The following KRAS variants were observed in gnomAD, a reference collection of about 807,000 sequenced individuals.
KRAS encodes KRas proto-oncogene, GTPase.
Under a neutral mutation model 21.0 loss-of-function variants are expected in KRAS, and 1 was observed. That is an observed-to-expected ratio of 0.05 (90% confidence interval 0.02 to 0.23). KRAS has a LOEUF of 0.23. Ranked by LOEUF, KRAS falls within the 10% of genes least tolerant of loss-of-function variation. KRAS has a pLI of 1.00. For synonymous variants in KRAS, 67 were observed against 72.5 expected (o/e 0.92, Z 0.39); for missense variants, 107 against 221.8 (o/e 0.48, Z 3.29).
At chr12:25,242,042 A>T (rs969111718) in intron 2 of KRAS, among the ~76,000 whole-genome samples, 4 of 152,232 alleles carry the variant, frequency 2.6e-5, no homozygotes, top group Non-Finnish European at 5.9e-5. Context: ...AAAATAAAAT[A>T]AAAATTAAAA....
chr12:25,250,057 C>A (rs1355313978), intron 1 of KRAS, among the ~76,000 whole-genome samples: 1 of 152,140 alleles, frequency 6.6e-6, no homozygotes, highest in East Asian at 1.9e-4. Flanking sequence ...AATGTCACAG[C>A]CCATACATGG....
chr12:25,247,081 A>G (rs898472351), intron 1 of KRAS, among the ~76,000 whole-genome samples: 4 of 152,198 alleles, frequency 2.6e-5, no homozygotes, highest in African/African-American at 9.7e-5. Context: ...AGTTGTTTCA[A>G]ATTTTTTGAA....
At chr12:25,239,146 T>G (rs1461991286) in intron 2 of KRAS, among the ~76,000 whole-genome samples, 1 of 152,272 alleles carries the variant, frequency 6.6e-6, no homozygotes, top group African/African-American at 2.4e-5. Flanking sequence ...TCTTTTTATA[T>G]GTTCATGTTA....
chr12:25,230,727 A>C (rs542366097), intron 2 of KRAS, among the ~76,000 whole-genome samples: 36 of 152,358 alleles, frequency 2.4e-4, no homozygotes, highest in African/African-American at 8.4e-4. Context: ...ATGAAAACCT[A>C]CATATTAGAC....
At chr12:25,225,558 C>CTTAT (rs1951382071) in intron 4 of KRAS, 56 bp downstream of exon 4, 2 of 1,495,388 alleles carry the variant, frequency 1.3e-6, no homozygotes, top group Middle Eastern at 1.9e-4. Flanking sequence ...TATTAAATGA[C>CTTAT]ATAACAGTTA....
intron 2 of KRAS, chr12:25,234,432 T>C (rs1166009341): frequency 5.5e-6 from 1 of 182,572 alleles, no homozygotes; most frequent in African/African-American, 2.4e-5. Context: ...GCACTAAGAG[T>C]GCACCCATTT....
intron 4 of KRAS, among the ~76,000 whole-genome samples, chr12:25,220,710 T>C (rs983197811): frequency 8.0e-6 from 1 of 125,306 alleles, no homozygotes; most frequent in Non-Finnish European, 1.7e-5. Flanking sequence ...CTGGCAACAG[T>C]GAGACCGTCT....
chr12:25,221,417 G>C (rs1453153801), intron 4 of KRAS, among the ~76,000 whole-genome samples: 2 of 152,058 alleles, frequency 1.3e-5, no homozygotes, highest in Non-Finnish European at 2.9e-5. Context: ...ATTTTTAGTA[G>C]AGACGGGGTT....
rs11836509 is a variant in KRAS at position 25,227,137 on chromosome 12, T to G, written c.290+97A>C. On this transcript the variant is annotated intron_variant, in intron 3 of 4. Transcript: ENST00000311936. ...CCTCATAAACATTATTTAAAAATTTTTATTAAATATTATATGCATGGCATT... is the reference window on the plus strand; with the variant it reads ...CCTCATAAACATTATTTAAAAATTTGTATTAAATATTATATGCATGGCATT... The G allele has an allele frequency of 0.21, 161,609 of 785,348 alleles. 17,196 individuals carry two copies. Among genetic ancestry groups the G allele is most frequent in the Middle Eastern group, 0.24 (624 of 2,630 alleles). 48.6% of individuals were successfully genotyped at this position (785,348 alleles called of 1,614,324 possible). A position where few individuals can be genotyped will look rare whatever the true frequency, so the allele number is the denominator to read the frequency against.
intron 1 of KRAS, 111 bp from the exon 2 acceptor site, chr12:25,245,506 G>GA: frequency 9.0e-7 from 1 of 1,108,996 alleles, no homozygotes; most frequent in East Asian, 2.6e-5. Context: ...ACCTTTATAT[G>GA]AAAAATTATT....
At position 25,205,876 on chromosome 12, in the gene KRAS, T is replaced by C. The variant is rs954406099; in HGVS notation, c.*3919A>G. On this transcript the variant is annotated 3_prime_UTR_variant, in exon 5 of 5. Coordinates refer to ENST00000311936, the MANE Select transcript of KRAS (RefSeq NM_004985.5). ...TCTTTCTTTAGAAAGAAAGTTTCAT[T>C]TTATGACAGCTATTCAGTTTCTCAA... 4.6e-6 allele frequency: 1 copy of C among 216,802 alleles called. No homozygotes were observed. The highest frequency in any genetic ancestry group is 5.8e-5 in the Admixed American group (1 of 17,218). The allele number at this position is 216,802 out of a possible 1,614,324, so 13.4% of individuals were successfully genotyped here. A position where few individuals can be genotyped will look rare whatever the true frequency, so the allele number is the denominator to read the frequency against.
intron 2 of KRAS, among the ~76,000 whole-genome samples, chr12:25,236,542 C>T (rs745922995): frequency 6.6e-6 from 1 of 151,818 alleles, no homozygotes; most frequent in African/African-American, 2.4e-5. Context: ...CTTCCAACAC[C>T]TAATTAGTTC....
intron 2 of KRAS, among the ~76,000 whole-genome samples, chr12:25,230,605 G>A (rs1951454124): frequency 6.6e-6 from 1 of 152,144 alleles, no homozygotes; most frequent in Admixed American, 6.5e-5. Context: ...TCCAGCCTGG[G>A]CAACAACAGC....
In KRAS at chr12:25,209,159, G is replaced by T; in HGVS notation, c.*636C>A. ...AAATGGCCTTATAATAGTTTCCATTGCCTTGTAATTTTTTTCCATTTTTTT... is the reference window on the plus strand; with the variant it reads ...AAATGGCCTTATAATAGTTTCCATTTCCTTGTAATTTTTTTCCATTTTTTT... On this transcript the variant is annotated 3_prime_UTR_variant, in exon 5 of 5. Transcript: ENST00000311936. 1 of 655,486 alleles carries T rather than the reference G, an allele frequency of 1.5e-6. No individual in the cohort carries two copies. The highest frequency in any genetic ancestry group is 2.7e-6 in the Non-Finnish European group (1 of 365,690). The allele number at this position is 655,486 out of a possible 1,614,324, so 40.6% of individuals were successfully genotyped here.
In KRAS at chr12:25,206,907, T is replaced by C. The variant is rs13096; in HGVS notation, c.*2888A>G. ...ACCTTAATGTGTACAGTAATTGTCC[T>C]AAAAGAATCACAGTTATGCCAAATA... On this transcript the variant is annotated 3_prime_UTR_variant, in exon 5 of 5. Transcript: ENST00000311936. 0.5 allele frequency: 100,126 copies of C among 201,246 alleles called. 27,008 individuals carry two copies. Among genetic ancestry groups the C allele is most frequent in the East Asian group, 0.79 (10,319 of 12,986 alleles). The allele number at this position is 201,246 out of a possible 1,614,324, so 12.5% of individuals were successfully genotyped here. A position where few individuals can be genotyped will look rare whatever the true frequency, so the allele number is the denominator to read the frequency against.
intron 4 of KRAS, among the ~76,000 whole-genome samples, chr12:25,222,697 A>C (rs1322111745): frequency 6.6e-6 from 1 of 152,152 alleles, no homozygotes; most frequent in Non-Finnish European, 1.5e-5. Flanking sequence ...AAACAAAAAA[A>C]CCCAAGGCCA....
chr12:25,213,346 T>C (rs1465002437), intron 4 of KRAS, among the ~76,000 whole-genome samples: 1 of 152,126 alleles, frequency 6.6e-6, no homozygotes, highest in Non-Finnish European at 1.5e-5. Flanking sequence ...GGTGAGACAA[T>C]AGGAGGAGAA....
chr12:25,242,958 A>T (rs1379327554), intron 2 of KRAS, among the ~76,000 whole-genome samples: 1 of 152,194 alleles, frequency 6.6e-6, no homozygotes, highest in African/African-American at 2.4e-5. Flanking sequence ...AAAAATCTAA[A>T]TCACCAAAAA....
intron 1 of KRAS, among the ~76,000 whole-genome samples, chr12:25,247,281 C>T (rs1951696618): frequency 1.3e-5 from 2 of 152,070 alleles, no homozygotes; most frequent in African/African-American, 4.8e-5. Context: ...TGACTGAAGA[C>T]CCAAAATAAT....
Sources: gnomAD v4.1 joint callset for allele counts (sites outside exome capture counted in the v4.1 genomes callset) on GRCh38, gnomAD v4.1.1 for gene constraint, MANE v1.5 for transcripts, NCBI Gene and HGNC (gene_info 2026-07-23, HGNC 2026-07-21) for gene names.